The following ATAD2 variants were observed in gnomAD, a reference collection of about 807,000 sequenced individuals.
ATAD2 encodes ATPase family AAA domain containing 2.
ATAD2 carries 62 observed loss-of-function variants against 168.9 expected under a neutral mutation model. The ratio of observed to expected loss-of-function variants is 0.37; its 90% CI spans 0.30 to 0.45. The LOEUF (loss-of-function observed/expected upper bound fraction) is 0.45. Ranked by LOEUF, ATAD2 falls within the 20% of genes least tolerant of loss-of-function variation. ATAD2 has a pLI of 1.00. For missense variants in ATAD2, 1,419 were observed against 1,667.8 expected (o/e 0.85, Z 2.60); for synonymous variants, 613 against 571.6 (o/e 1.07, Z -1.03).
chr8:123,346,571 AG>A (rs1279297260), intron 17 of ATAD2, 46 bp downstream of exon 17: 6 of 1,450,016 alleles, frequency 4.1e-6, no homozygotes, highest in African/African-American at 1.5e-5. Flanking sequence ...ATTTATTTTT[AG>A]AAAATTTACA....
At chr8:123,401,727 G>A (rs1775125890) in intron 1 of ATAD2, 1 of 747,218 alleles carries the variant, frequency 1.3e-6, no homozygotes, top group Non-Finnish European at 2.5e-6. Context: ...GTGATGATGG[G>A]CTCCCTGCTG....
intron 16 of ATAD2, 99 bp downstream of exon 16, chr8:123,346,993 C>G (rs1020958384): frequency 9.9e-6 from 13 of 1,319,580 alleles, no homozygotes; most frequent in Non-Finnish European, 1.3e-5. Context: ...AAATTCTTTT[C>G]AAGAGATTCT....
rs1404540091 is a variant in ATAD2 at position 123,322,946 on chromosome 8, G to A, written c.4123C>T (p.Leu1375Phe). Residue 1375 changes from leucine (L) to phenylalanine (F), a missense_variant, in exon 27 of 28, where the codon CTT becomes TTT. Around this residue, in one of 5 missense-constraint regions of ATAD2, gnomAD observed 303 missense variants for 304.3 expected, o/e 1.00. Coordinates refer to ENST00000287394, the MANE Select transcript of ATAD2 (RefSeq NM_014109.4). The stretch of plus-strand genomic sequence containing the variant: ...TCCACTCAAGAGTTTACCTGAATAA[G>A]TGATGTTTTATCATGGTCCTTGCGA... ...RHRKDHDKTS[L>F]IQKMEQEVEN... 1 of 1,612,764 alleles carries A rather than the reference G, an allele frequency of 6.2e-7. No homozygotes were observed. Among genetic ancestry groups the A allele is most frequent in the South Asian group, 1.1e-5 (1 of 90,656 alleles).
intron 1 of ATAD2, among the ~76,000 whole-genome samples, chr8:123,391,488 A>G (rs1207102014): frequency 1.9e-4 from 23 of 119,654 alleles, no homozygotes; most frequent in African/African-American, 1.0e-3. Flanking sequence ...AAGTTTTGAA[A>G]AAAAAAAAAA....
At chr8:123,404,536 G>A (rs1034208986) in intron 1 of ATAD2, among the ~76,000 whole-genome samples, 42 of 150,454 alleles carry the variant, frequency 2.8e-4, no homozygotes, top group Non-Finnish European at 7.4e-5. Context: ...TTTTGTGCTT[G>A]TACTCAAGTC....
At chr8:123,355,326 G>GA (rs1563847258) in intron 13 of ATAD2, among the ~76,000 whole-genome samples, 2 of 152,138 alleles carry the variant, frequency 1.3e-5, no homozygotes, top group Admixed American at 1.3e-4. Flanking sequence ...TAGCATATAT[G>GA]AAAGTATGCA....
At chr8:123,415,559 T>A (rs1446699570) in intron 1 of ATAD2, among the ~76,000 whole-genome samples, 1 of 152,086 alleles carries the variant, frequency 6.6e-6, no homozygotes, top group African/African-American at 2.4e-5. Flanking sequence ...AAACTGAAAG[T>A]CCCTGATATT....
At chr8:123,350,843 G>C (rs559550440) in intron 13 of ATAD2, among the ~76,000 whole-genome samples, 15 of 151,818 alleles carry the variant, frequency 9.9e-5, no homozygotes, top group Non-Finnish European at 1.5e-4. Context: ...TCCTGCCTCA[G>C]CCTCCTGAGT....
At chr8:123,385,257 C>T (rs1395996049) in intron 1 of ATAD2, among the ~76,000 whole-genome samples, 1 of 151,984 alleles carries the variant, frequency 6.6e-6, no homozygotes, top group East Asian at 1.9e-4. Flanking sequence ...AAAAAAATTT[C>T]ACATCACCAT....
chr8:123,327,058 G>C (rs950762392), intron 25 of ATAD2, among the ~76,000 whole-genome samples: 4 of 152,178 alleles, frequency 2.6e-5, no homozygotes, highest in Admixed American at 1.3e-4. Context: ...ACAGGCGTTA[G>C]CCACCACGCC....
At chr8:123,353,659 G>T (rs941263831) in intron 13 of ATAD2, among the ~76,000 whole-genome samples, 13 of 151,820 alleles carry the variant, frequency 8.6e-5, no homozygotes, top group African/African-American at 3.1e-4. Flanking sequence ...CATCTCTCCT[G>T]AGTCCTAATA....
At chr8:123,360,495 C>T (rs1333720038) in intron 9 of ATAD2, among the ~76,000 whole-genome samples, 4 of 152,148 alleles carry the variant, frequency 2.6e-5, no homozygotes, top group Non-Finnish European at 5.9e-5. Context: ...GTGTGCACCA[C>T]CAACATCTGG....
chr8:123,396,748 G>A (rs1452448642), upstream of ATAD2, among the ~76,000 whole-genome samples: 3 of 152,292 alleles, frequency 2.0e-5, no homozygotes, highest in East Asian at 5.8e-4. Flanking sequence ...CGGGACGGCG[G>A]CGGGGGAAGG....
In ATAD2 at chr8:123,346,676, G is replaced by A. The variant is rs1563841973; in HGVS notation, c.2287C>T (p.Leu763Phe). The A allele has an allele frequency of 6.3e-7, 1 of 1,589,056 alleles. No individual in the cohort carries two copies. The highest frequency in any genetic ancestry group is 2.3e-5 in the East Asian group (1 of 44,104). The change falls in exon 17 of 28, where the codon CTT (leucine) becomes TTT (phenylalanine). Residue 763 changes from leucine (L) to phenylalanine (F), a missense_variant. Around this residue, in one of 5 missense-constraint regions of ATAD2, gnomAD observed 545 missense variants for 724.9 expected, o/e 0.75. Transcript: ENST00000287394. ...DDVPSVYENG[L>F]SQKSSHKAKD... is the part of the protein sequence containing the mutation. ...GCCTTATGAGAAGATTTCTGAGAAA[G>A]TCCATTTTCATAAACTGATGGAACA...
At chr8:123,368,123 G>A (rs1274916111) in intron 8 of ATAD2, among the ~76,000 whole-genome samples, 1 of 152,100 alleles carries the variant, frequency 6.6e-6, no homozygotes, top group Non-Finnish European at 1.5e-5. Flanking sequence ...GAAGTATCAA[G>A]AATTATCTCT....
chr8:123,343,076 C>G (rs2131314511), intron 19 of ATAD2, among the ~76,000 whole-genome samples: 1 of 151,910 alleles, frequency 6.6e-6, no homozygotes, highest in Middle Eastern at 3.4e-3. Flanking sequence ...ACCCCACCTT[C>G]CGGGTTCAAG....
chr8:123,340,082 G>C (rs1280396332), intron 19 of ATAD2, among the ~76,000 whole-genome samples: 1 of 151,898 alleles, frequency 6.6e-6, no homozygotes, highest in Non-Finnish European at 1.5e-5. Flanking sequence ...TAGAGATAGG[G>C]TCTCCTTGTG....
At chr8:123,358,384 G>A (rs1170198101) in intron 11 of ATAD2, among the ~76,000 whole-genome samples, 5 of 151,336 alleles carry the variant, frequency 3.3e-5, no homozygotes, top group East Asian at 1.9e-4. Flanking sequence ...TTGCTGTGTC[G>A]CCCAGGCTGG....
chr8:123,395,460 A>C (rs188619896), intron 1 of ATAD2, among the ~76,000 whole-genome samples: 189 of 152,304 alleles, frequency 1.2e-3, no homozygotes, highest in Non-Finnish European at 2.1e-3. Flanking sequence ...TTGTAACTGC[A>C]GCATGACGGC....
Sources: gnomAD v4.1 joint callset for allele counts (sites outside exome capture counted in the v4.1 genomes callset) on GRCh38, gnomAD v4.1.1 for gene constraint, gnomAD v4.1.1 regional missense constraint, MANE v1.5 for transcripts, NCBI Gene and HGNC (gene_info 2026-07-23, HGNC 2026-07-21) for gene names.